Variants in CSMD1 observed in about 807,000 individuals in gnomAD.
CSMD1 encodes CUB and sushi domain-containing protein 1.
Under a neutral mutation model 417.5 loss-of-function variants are expected in CSMD1, and 213 were observed. The observed-to-expected ratio is 0.51, with a 90% CI of 0.46 to 0.57. CSMD1 has a LOEUF of 0.57. Among genes scored for constraint, CSMD1 ranks in the 20% least tolerant of loss-of-function variants. The probability of loss-of-function intolerance (pLI) is 0.00; values close to 1 mark genes in which losing one functional copy is unlikely to be tolerated. For missense variants in CSMD1, 6,923 were observed against 4,529.7 expected, an observed-to-expected ratio of 1.53 and a Z score of -15.17; for synonymous variants, 2,862 against 1,736.8, an observed-to-expected ratio of 1.65 and a Z score of -16.11.
chr8:3,199,399 A>G (rs906350557), intron 33 of CSMD1, among the ~76,000 whole-genome samples: 1 of 152,204 alleles, frequency 6.6e-6, no homozygotes. Context: ...GTAATTAGAT[A>G]AAATACTGTA....
chr8:4,248,145 A>G (rs1221450935), intron 3 of CSMD1, among the ~76,000 whole-genome samples: 2 of 152,138 alleles, frequency 1.3e-5, no homozygotes, highest in South Asian at 2.1e-4. Context: ...CTATTTTGTA[A>G]TTAGAAGAAA....
intron 3 of CSMD1, among the ~76,000 whole-genome samples, chr8:4,330,261 T>A (rs1799794547): frequency 8.0e-6 from 1 of 125,158 alleles, no homozygotes; most frequent in Non-Finnish European, 1.9e-5. Context: ...TAGGACTCTG[T>A]CTGGTTGTAC....
chr8:4,783,833 C>G (rs1797274998), intron 1 of CSMD1, among the ~76,000 whole-genome samples: 1 of 152,162 alleles, frequency 6.6e-6, no homozygotes, highest in South Asian at 2.1e-4. Flanking sequence ...GGAAAACATT[C>G]TTATATTGGT....
chr8:3,097,806 C>T (rs1261506317), intron 46 of CSMD1, among the ~76,000 whole-genome samples: 2 of 152,064 alleles, frequency 1.3e-5, no homozygotes, highest in African/African-American at 2.4e-5. Context: ...TTTAAACGTT[C>T]GATGTGATTG....
intron 1 of CSMD1, among the ~76,000 whole-genome samples, chr8:4,687,229 G>A (rs1806450325): frequency 6.6e-6 from 1 of 152,178 alleles, no homozygotes; most frequent in Non-Finnish European, 1.5e-5. Flanking sequence ...TGCATCTCCA[G>A]GCCCCTGGTA....
At chr8:4,949,832 A>G (rs1429305019) in intron 1 of CSMD1, among the ~76,000 whole-genome samples, 1 of 152,118 alleles carries the variant, frequency 6.6e-6, no homozygotes, top group Non-Finnish European at 1.5e-5. Context: ...GAAGGACAGG[A>G]TATATATATA....
At chr8:3,467,060 C>T (rs963687933) in intron 12 of CSMD1, among the ~76,000 whole-genome samples, 1 of 152,074 alleles carries the variant, frequency 6.6e-6, no homozygotes, top group Non-Finnish European at 1.5e-5. Flanking sequence ...TCATGAAAAG[C>T]CATCTCAGGG....
intron 1 of CSMD1, among the ~76,000 whole-genome samples, chr8:4,977,956 G>T (rs1402317620): frequency 6.6e-6 from 1 of 152,150 alleles, no homozygotes; most frequent in Non-Finnish European, 1.5e-5. Context: ...GTTGCTGAGG[G>T]TCCTGCACAG....
At chr8:4,536,444 C>T (rs17063262) in intron 2 of CSMD1, among the ~76,000 whole-genome samples, 2,864 of 152,076 alleles carry the variant, frequency 0.019, 75 homozygotes, top group African/African-American at 0.059. Context: ...CATTTGTATA[C>T]GTGAAGTTTC....
chr8:3,862,695 A>C (rs1804799072), intron 5 of CSMD1, among the ~76,000 whole-genome samples: 3 of 152,198 alleles, frequency 2.0e-5, no homozygotes, highest in Admixed American at 2.0e-4. Context: ...CTATATAGGA[A>C]TTCAAATGAT....
At chr8:4,767,289 G>C (rs909281882) in intron 1 of CSMD1, among the ~76,000 whole-genome samples, 2 of 152,186 alleles carry the variant, frequency 1.3e-5, no homozygotes, top group Non-Finnish European at 2.9e-5. Flanking sequence ...AAAACAAGTA[G>C]AGTTGACTAT....
chr8:3,762,127 G>C (rs1798041930), intron 5 of CSMD1, among the ~76,000 whole-genome samples: 2 of 152,064 alleles, frequency 1.3e-5, no homozygotes, highest in South Asian at 4.2e-4. Context: ...CTGCTTTCCA[G>C]CCTCTTCAGG....
intron 25 of CSMD1, among the ~76,000 whole-genome samples, chr8:3,284,860 T>A (rs1322748237): frequency 6.6e-6 from 1 of 152,206 alleles, no homozygotes. Context: ...TACTTCTTTC[T>A]AAAAATTATA....
At chr8:3,377,052 A>G (rs1468434198) in intron 18 of CSMD1, among the ~76,000 whole-genome samples, 3 of 152,226 alleles carry the variant, frequency 2.0e-5, no homozygotes, top group Non-Finnish European at 4.4e-5. Flanking sequence ...TCTATTGTCC[A>G]GGCTGTAGTG....
intron 5 of CSMD1, among the ~76,000 whole-genome samples, chr8:3,805,276 C>G (rs926285088): frequency 1.3e-5 from 2 of 152,134 alleles, no homozygotes; most frequent in African/African-American, 4.8e-5. Context: ...GCATCAGCAT[C>G]GCAGAGGAAG....
At chr8:4,335,990 C>G (rs1035661338) in intron 3 of CSMD1, among the ~76,000 whole-genome samples, 2 of 152,124 alleles carry the variant, frequency 1.3e-5, no homozygotes, top group South Asian at 4.1e-4. Context: ...GGGTCAGCCC[C>G]GCTCACTGTC....
At position 3,979,397 on chromosome 8, in the gene CSMD1, T is replaced by C. The variant is rs1005120493; in HGVS notation, c.818+18506A>G. Among the ~76,000 whole-genome samples the C allele has an allele frequency of 2.0e-5, 3 of 152,178 alleles. No individual in the cohort carries two copies. The East Asian group carries it at 5.8e-4, about 29-fold the overall frequency. On this transcript the variant is annotated intron_variant, in intron 5 of 69. Transcript: ENST00000635120. ...CAGCTGGAGGAGACATCAGCGCAGC[T>C]ACAGAGGCTACATGGAAAAGCTGCA...
At chr8:4,505,313 G>C (rs1173680996) in intron 2 of CSMD1, among the ~76,000 whole-genome samples, 1 of 152,080 alleles carries the variant, frequency 6.6e-6, no homozygotes, top group Non-Finnish European at 1.5e-5. Context: ...AGGTAAAAGA[G>C]AAACAGAAAA....
At chr8:4,807,718 A>G (rs1585132588) in intron 1 of CSMD1, among the ~76,000 whole-genome samples, 1 of 152,326 alleles carries the variant, frequency 6.6e-6, no homozygotes, top group South Asian at 2.1e-4. Flanking sequence ...AAACTGAATA[A>G]AAATACTACC....
Sources: gnomAD v4.1 joint callset for allele counts (sites outside exome capture counted in the v4.1 genomes callset) on GRCh38, gnomAD v4.1.1 for gene constraint, MANE v1.5 for transcripts, NCBI Gene and HGNC (gene_info 2026-07-23, HGNC 2026-07-21) for gene names.